The following TBL1XR1 variants were observed in gnomAD, a reference collection of about 807,000 sequenced individuals.
TBL1XR1 encodes the protein F-box-like/WD repeat-containing protein TBL1XR1.
TBL1XR1 carries 5 observed loss-of-function variants against 66.9 expected under a neutral mutation model. The observed-to-expected ratio is 0.07, with a 90% confidence interval of 0.04 to 0.16. The LOEUF is 0.16. TBL1XR1 is among the 10% of genes least tolerant of loss of function. The pLI, the probability that TBL1XR1 is intolerant of heterozygous loss-of-function variation, is 1.00. For missense variants in TBL1XR1, 238 were observed against 623.2 expected (o/e 0.38, Z 6.58); for synonymous variants, 210 against 206.0 (o/e 1.02, Z -0.17).
At chr3:177,094,395 A>T (rs575284074) in intron 2 of TBL1XR1, among the ~76,000 whole-genome samples, 1 of 152,358 alleles carries the variant, frequency 6.6e-6, no homozygotes, top group Non-Finnish European at 1.5e-5. Flanking sequence ...TAGTACAACC[A>T]TTATGGAAAT....
intron 2 of TBL1XR1, among the ~76,000 whole-genome samples, chr3:177,085,067 G>A (rs980013785): frequency 2.0e-5 from 3 of 152,166 alleles, no homozygotes; most frequent in South Asian, 2.1e-4. Context: ...TCAAAAAATC[G>A]AAACTAAATC....
At chr3:177,111,855 C>T (rs372203519) in intron 1 of TBL1XR1, among the ~76,000 whole-genome samples, 1 of 151,318 alleles carries the variant, frequency 6.6e-6, no homozygotes, top group Non-Finnish European at 1.5e-5. Context: ...TTTTACAATG[C>T]ACCTGGGTCC....
chr3:177,039,946 G>A (rs1055086064), intron 10 of TBL1XR1, among the ~76,000 whole-genome samples: 10 of 152,154 alleles, frequency 6.6e-5, no homozygotes, highest in Admixed American at 5.9e-4. Flanking sequence ...AGATCTTATG[G>A]CCTACAATGT....
intron 3 of TBL1XR1, among the ~76,000 whole-genome samples, chr3:177,063,246 G>A (rs1299194791): frequency 1.3e-5 from 2 of 152,090 alleles, no homozygotes; most frequent in African/African-American, 4.8e-5. Flanking sequence ...GTATCAATTT[G>A]TGGACTTTTG....
intron 1 of TBL1XR1, among the ~76,000 whole-genome samples, chr3:177,135,341 A>G (rs374000593): frequency 0.29 from 7,251 of 25,008 alleles, 626 homozygotes; most frequent in Admixed American, 0.42. Context: ...GTGTATACAT[A>G]TATATATATA....
At chr3:177,117,577 C>T (rs1279700447) in intron 1 of TBL1XR1, among the ~76,000 whole-genome samples, 1 of 152,158 alleles carries the variant, frequency 6.6e-6, no homozygotes, top group African/African-American at 2.4e-5. Context: ...TCTCGGGTCT[C>T]CCAGATTGTT....
At chr3:177,025,600 C>G in intron 15 of TBL1XR1, 76 bp from the exon 16 acceptor site, 2 of 1,392,164 alleles carry the variant, frequency 1.4e-6, no homozygotes, top group South Asian at 2.5e-5. Flanking sequence ...TTCTATAGTA[C>G]AATTTGAAAT....
intron 14 of TBL1XR1, among the ~76,000 whole-genome samples, chr3:177,032,156 A>C (rs1459087298): frequency 6.6e-6 from 1 of 152,242 alleles, no homozygotes; most frequent in Non-Finnish European, 1.5e-5. Context: ...ATTCATAAAG[A>C]AGCTAGGAAG....
intron 2 of TBL1XR1, among the ~76,000 whole-genome samples, chr3:177,069,736 C>T (rs1035549959): frequency 1.4e-4 from 17 of 122,710 alleles, no homozygotes; most frequent in Admixed American, 9.0e-4. Flanking sequence ...AAAACTCTGA[C>T]GAAAGAAAAG....
At chr3:177,194,365 A>AG (rs1260230198) in intron 1 of TBL1XR1, among the ~76,000 whole-genome samples, 8 of 152,222 alleles carry the variant, frequency 5.3e-5, no homozygotes, top group Non-Finnish European at 8.8e-5. Flanking sequence ...CACATGCACT[A>AG]GAAAAATACA....
chr3:177,066,313 G>T (rs1429818177), intron 2 of TBL1XR1, among the ~76,000 whole-genome samples: 2 of 152,110 alleles, frequency 1.3e-5, no homozygotes, highest in Non-Finnish European at 2.9e-5. Flanking sequence ...TTTTCTAGTG[G>T]ACACACACAG....
chr3:177,095,013 T>C (rs1363550676), intron 2 of TBL1XR1, among the ~76,000 whole-genome samples: 1 of 148,020 alleles, frequency 6.8e-6, no homozygotes, highest in East Asian at 2.0e-4. Flanking sequence ...GTTATATACA[T>C]ACAATGGAAT....
chr3:177,095,484 G>A (rs1056022768), intron 2 of TBL1XR1, among the ~76,000 whole-genome samples: 1 of 141,934 alleles, frequency 7.0e-6, no homozygotes, highest in Non-Finnish European at 1.5e-5. Context: ...CATGATTAAA[G>A]GTGCAATTAG....
At chr3:177,159,209 G>C (rs1055473538) in intron 1 of TBL1XR1, among the ~76,000 whole-genome samples, 2 of 151,848 alleles carry the variant, frequency 1.3e-5, no homozygotes, top group Non-Finnish European at 2.9e-5. Flanking sequence ...AGCTGAGGCT[G>C]ATTCTCCTGC....
At chr3:177,164,212 T>C (rs1314633743) in intron 1 of TBL1XR1, among the ~76,000 whole-genome samples, 2 of 152,202 alleles carry the variant, frequency 1.3e-5, no homozygotes, top group Admixed American at 6.5e-5. Context: ...ACTCCCTGAC[T>C]TGACATTAAA....
intron 1 of TBL1XR1, among the ~76,000 whole-genome samples, chr3:177,145,792 T>C (rs1730170367): frequency 6.6e-6 from 1 of 152,228 alleles, no homozygotes; most frequent in Non-Finnish European, 1.5e-5. Flanking sequence ...TCCCAATTTA[T>C]TGGTTATCTT....
intron 1 of TBL1XR1, among the ~76,000 whole-genome samples, chr3:177,099,154 G>C (rs1446664094): frequency 6.6e-6 from 1 of 152,110 alleles, no homozygotes; most frequent in African/African-American, 2.4e-5. Flanking sequence ...ATCACCTGAG[G>C]TCAGGAATTC....
intron 1 of TBL1XR1, among the ~76,000 whole-genome samples, chr3:177,135,198 C>T (rs1577270599): frequency 1.3e-5 from 2 of 149,134 alleles, no homozygotes; most frequent in Non-Finnish European, 1.5e-5. Context: ...GATGGGGTTT[C>T]GCCACGTTGG....
chr3:177,117,739 A>G (rs1726473490), intron 1 of TBL1XR1, among the ~76,000 whole-genome samples: 1 of 152,174 alleles, frequency 6.6e-6, no homozygotes, highest in South Asian at 2.1e-4. Flanking sequence ...AATTCAACAA[A>G]TCTTACTTAG....
Sources: allele counts gnomAD v4.1 joint callset (sites outside exome capture counted in the v4.1 genomes callset), GRCh38; gene constraint gnomAD v4.1.1; transcripts MANE v1.5; gene names NCBI Gene and HGNC (gene_info 2026-07-23, HGNC 2026-07-21).